Variants in CERT1 observed in about 807,000 individuals in gnomAD.
CERT1 encodes the protein ceramide transfer protein.
CERT1 carries 31 observed loss-of-function variants against 87.9 expected under a neutral mutation model. The observed-to-expected ratio is 0.35, with a 90% CI of 0.27 to 0.48. The LOEUF (loss-of-function observed/expected upper bound fraction) is 0.48. Ranked by LOEUF, CERT1 falls within the 20% of genes least tolerant of loss-of-function variation. The pLI is 0.99. For synonymous variants in CERT1, 289 were observed against 250.9 expected, an observed-to-expected ratio of 1.15 and a Z score of -1.44; for missense variants, 487 against 758.0, an observed-to-expected ratio of 0.64 and a Z score of 4.20.
rs899796501 is a variant in CERT1, at chr5:75,387,673, C to T, written c.1285-1639G>A. ...AGGAGAATCACTTGAACCCAGGAGG[C>T]GGAGGCTGCGATAAGCCAAGATCAT... On this transcript the variant is annotated intron_variant, in intron 12 of 16. Coordinates refer to ENST00000643780, the MANE Select transcript of CERT1 (RefSeq NM_001379029.1). 2.7e-5 allele frequency among the ~76,000 whole-genome samples: 4 copies of T among 150,284 alleles called. No homozygotes were observed. In the South Asian group the frequency reaches 6.3e-4, roughly 24 times the overall value.
downstream of CERT1, chr5:75,375,860 A>C (rs1384547430): frequency 2.0e-5 from 3 of 151,784 alleles, no homozygotes; most frequent in African/African-American, 4.8e-5. Context: ...AAAAAAAAAA[A>C]AAAAGTTACG....
chr5:75,436,739 T>C (rs543097886), intron 3 of CERT1, among the ~76,000 whole-genome samples: 1 of 152,250 alleles, frequency 6.6e-6, no homozygotes, highest in Admixed American at 6.5e-5. Context: ...TGGACATTTA[T>C]TTGAAAATAT....
chr5:75,393,783 G>A (rs772605816), intron 11 of CERT1, among the ~76,000 whole-genome samples: 1 of 150,754 alleles, frequency 6.6e-6, no homozygotes, highest in Admixed American at 6.6e-5. Flanking sequence ...GGCTAACACG[G>A]TGAACTCCCC....
intron 3 of CERT1, among the ~76,000 whole-genome samples, chr5:75,446,737 C>A (rs758000085): frequency 4.6e-5 from 7 of 152,146 alleles, no homozygotes; most frequent in Non-Finnish European, 8.8e-5. Flanking sequence ...AGGTCTTCTT[C>A]GGATTTTTTC....
intron 2 of CERT1, among the ~76,000 whole-genome samples, chr5:75,466,975 A>AT (rs1182467364): frequency 6.6e-6 from 1 of 152,244 alleles, no homozygotes. Flanking sequence ...AATGCTGAAC[A>AT]TAAAATTCAG....
At chr5:75,499,696 G>A (rs978166757) in intron 2 of CERT1, among the ~76,000 whole-genome samples, 3 of 152,112 alleles carry the variant, frequency 2.0e-5, no homozygotes, top group Non-Finnish European at 2.9e-5. Flanking sequence ...AAGCACTTCG[G>A]AATTAAGAGT....
chr5:75,475,133 CA>C (rs1765901176), intron 2 of CERT1, among the ~76,000 whole-genome samples: 1 of 152,096 alleles, frequency 6.6e-6, no homozygotes. Flanking sequence ...GAGAGACTCT[CA>C]AGTCTAACCT....
rs1289843297 is a variant in CERT1, at chr5:75,458,962, CAATGTTT to C, written c.348+96_348+102del. 9.0e-6 allele frequency: 6 copies of C among 668,506 alleles called. No individual in the cohort carries two copies. In the Admixed American group the frequency reaches 1.2e-4, roughly 13 times the overall value. The allele number at this position is 668,506 out of a possible 1,614,324, so 41.4% of individuals were successfully genotyped here. ...TAATCTTTATCATCCAAATAATGTTCAATGTTTCAGTAACTAATGTCACATGTCAACT... is the reference window on the plus strand; with the variant it reads ...TAATCTTTATCATCCAAATAATGTTCCAGTAACTAATGTCACATGTCAACT... On this transcript the variant is annotated intron_variant, in intron 3 of 16. Transcript: ENST00000643780.
intron 11 of CERT1, among the ~76,000 whole-genome samples, chr5:75,399,090 C>G (rs1373067460): frequency 1.3e-5 from 2 of 152,088 alleles, no homozygotes; most frequent in African/African-American, 4.8e-5. Context: ...GGAGTACCTC[C>G]TATATGACAA....
intron 3 of CERT1, among the ~76,000 whole-genome samples, chr5:75,432,741 C>T (rs1398769704): frequency 1.3e-5 from 2 of 152,192 alleles, no homozygotes; most frequent in East Asian, 3.8e-4. Flanking sequence ...GTTGCAATTG[C>T]TTTTGGAGAC....
At position 75,426,393 on chromosome 5, in the gene CERT1, G is replaced by A; in HGVS notation, c.434C>T (p.Ala145Val). ...SLVSGASGYS[A>V]TSTSSFKKGH... ...CACCTTGAATGAAGAGGTGGATGTT[G>A]CAGAGTAGCCACTTGCTCCAGACAC... The change falls in exon 4 of 17, where the codon GCA becomes GTA. Residue 145 changes from alanine to valine, a missense_variant. Coordinates refer to ENST00000643780, the MANE Select transcript of CERT1 (RefSeq NM_001379029.1). The A allele has an allele frequency of 6.2e-7, 1 of 1,613,212 alleles. No individual in the cohort carries two copies. The highest frequency in any genetic ancestry group is 8.5e-7 in the Non-Finnish European group (1 of 1,179,276).
In CERT1 at chr5:75,511,442, AGCC is replaced by A. The variant is rs769638455; in HGVS notation, c.-238_-236del. ...AAGGAAGCCTACCCTTCCAGCCGTC[AGCC>A]GCCGCCGCCGTCGCCGTGACCCCTG... On this transcript the variant is annotated 5_prime_UTR_variant, in exon 1 of 17. Coordinates refer to ENST00000643780, the MANE Select transcript of CERT1 (RefSeq NM_001379029.1). 1.5e-5 allele frequency: 23 copies of A among 1,535,220 alleles called. No individual in the cohort carries two copies. Among genetic ancestry groups the A allele is most frequent in the Admixed American group, 4.0e-5 (2 of 49,840 alleles).
At chr5:75,397,889 C>T (rs539689828) in intron 11 of CERT1, among the ~76,000 whole-genome samples, 22 of 152,182 alleles carry the variant, frequency 1.4e-4, no homozygotes, top group African/African-American at 4.6e-4. Context: ...CATAGTGGTG[C>T]GTGCCTGTAA....
At chr5:75,493,528 AG>A (rs1307480945) in intron 2 of CERT1, among the ~76,000 whole-genome samples, 1 of 152,202 alleles carries the variant, frequency 6.6e-6, no homozygotes, top group Non-Finnish European at 1.5e-5. Flanking sequence ...ACTGCTTTTG[AG>A]AAGTCCACAG....
In CERT1 at chr5:75,400,226, C is replaced by G; in HGVS notation, c.1089G>C (p.Gly363=). The G allele has an allele frequency of 1.2e-6, 2 of 1,612,240 alleles. No homozygotes were observed. The highest frequency in any genetic ancestry group is 8.5e-7 in the Non-Finnish European group (1 of 1,178,366). The change falls in exon 10 of 17, where the codon GGG becomes GGC. Residue 363 remains glycine, a synonymous_variant. Transcript: ENST00000643780. ...LPSGDAFSSV[G]THRFVQKPYS... Reference sequence around the variant, plus strand: ...TTACCTTTTGGACAAATCTATGTGTCCCCACAGAAGAAAAGGCATCTCCAG... The same window carrying G: ...TTACCTTTTGGACAAATCTATGTGTGCCCACAGAAGAAAAGGCATCTCCAG...
downstream of CERT1, chr5:75,374,347 T>G: frequency 1.9e-6 from 1 of 522,582 alleles, no homozygotes; most frequent in Non-Finnish European, 3.3e-6. Flanking sequence ...AATGCAAAAT[T>G]ATTAACCTTA....
intron 3 of CERT1, among the ~76,000 whole-genome samples, chr5:75,437,827 T>C (rs1159902185): frequency 1.3e-5 from 2 of 151,160 alleles, no homozygotes; most frequent in African/African-American, 4.9e-5. Flanking sequence ...CCTACTTCCA[T>C]TGTTATTCAA....
At chr5:75,414,003 T>C (rs745793095) in intron 7 of CERT1, among the ~76,000 whole-genome samples, 4 of 151,608 alleles carry the variant, frequency 2.6e-5, no homozygotes, top group Non-Finnish European at 4.4e-5. Context: ...AACAGGAAAA[T>C]AGATAAGCAA....
chr5:75,377,017 G>C (rs373002354), downstream of CERT1: 15 of 152,136 alleles, frequency 9.9e-5, no homozygotes, highest in African/African-American at 3.4e-4. Context: ...GTGAGAATGA[G>C]AGAATATTCA....
Sources: gnomAD v4.1 joint callset for allele counts (sites outside exome capture counted in the v4.1 genomes callset) on GRCh38, gnomAD v4.1.1 for gene constraint, MANE v1.5 for transcripts, NCBI Gene and HGNC (gene_info 2026-07-23, HGNC 2026-07-21) for gene names.